NCKIPSD: variants seen among roughly 807,000 people sequenced by gnomAD.
The protein encoded by NCKIPSD is NCK-interacting protein with SH3 domain.
Under a neutral mutation model 73.4 loss-of-function variants are expected in NCKIPSD, and 48 were observed. The ratio of observed to expected loss-of-function variants is 0.65; its 90% confidence interval spans 0.52 to 0.83. The LOEUF is 0.83. Among genes scored for constraint, NCKIPSD ranks in the 40% least tolerant of loss-of-function variants. The probability of loss-of-function intolerance (pLI) is 0.00; values close to 1 mark genes in which losing one functional copy is unlikely to be tolerated. For synonymous variants in NCKIPSD, 422 were observed against 403.6 expected (o/e 1.05, Z -0.54); for missense variants, 884 against 970.2 (o/e 0.91, Z 1.18).
At chr3:48,679,484 A>T in intron 8 of NCKIPSD, 27 bp from the exon 9 acceptor site, 1 of 1,607,422 alleles carries the variant, frequency 6.2e-7, no homozygotes, top group Non-Finnish European at 8.5e-7. Flanking sequence ...AGGCAGTCAG[A>T]GTCCCCAAAG....
intron 1 of NCKIPSD, 57 bp from the exon 2 acceptor site, chr3:48,683,069 C>T (rs1274806564): frequency 6.5e-7 from 1 of 1,542,770 alleles, no homozygotes; most frequent in Non-Finnish European, 8.7e-7. Context: ...GTGCTCAGCC[C>T]AGGCCCAGCC....
At chr3:48,677,205 AT>A (rs1259656584) in intron 12 of NCKIPSD, among the ~76,000 whole-genome samples, 1 of 151,326 alleles carries the variant, frequency 6.6e-6, no homozygotes. Context: ...CCTGGCCAAC[AT>A]GGCGAAACCC....
Position 48,683,019 on chromosome 3 carries a change from G to T in NCKIPSD, c.172-7C>A, listed in dbSNP as rs960039507. ...GGACATCCTGCTCCAGGCCCTGGGGGGGGCAGGGGACAGCAGTTAGACCTG... is the reference window on the plus strand; with the variant it reads ...GGACATCCTGCTCCAGGCCCTGGGGTGGGCAGGGGACAGCAGTTAGACCTG... On this transcript the variant is annotated splice_polypyrimidine_tract_variant and splice_region_variant and intron_variant, in intron 1 of 12. Coordinates refer to ENST00000294129, the MANE Select transcript of NCKIPSD (RefSeq NM_016453.4). 3 of 1,549,534 alleles carry T rather than the reference G, an allele frequency of 1.9e-6. No homozygotes were observed. The highest frequency in any genetic ancestry group is 1.8e-4 in the Middle Eastern group (1 of 5,674).
chr3:48,679,420 G>A lies in NCKIPSD; in HGVS notation c.1527C>T (p.Ala509=), dbSNP rs1167277303. The A allele has an allele frequency of 1.4e-5, 22 of 1,613,956 alleles. No homozygotes were observed. Among genetic ancestry groups the A allele is most frequent in the Admixed American group, 1.0e-4 (6 of 59,998 alleles). The change falls in exon 9 of 13, where the codon GCC becomes GCT. Residue 509 remains alanine (A), a synonymous_variant. Coordinates refer to ENST00000294129, the MANE Select transcript of NCKIPSD (RefSeq NM_016453.4). ...CTGCCTCTCCCATGGAGAAGACCATGGCCAGGATGAGGGCAGAGTAACAGA... is the reference window on the plus strand; with the variant it reads ...CTGCCTCTCCCATGGAGAAGACCATAGCCAGGATGAGGGCAGAGTAACAGA... ...QKLCYSALIL[A]MVFSMGEAVP...
rs559950372 is a variant in NCKIPSD at position 48,674,149 on chromosome 3, T to C, written c.*395A>G. On this transcript the variant is annotated 3_prime_UTR_variant, in exon 13 of 13. Coordinates refer to ENST00000294129, the MANE Select transcript of NCKIPSD (RefSeq NM_016453.4). ...GGCAAAGAATAGAGCTGGTGGGAGA[T>C]GCCTCCCCTCACCCCAGGGGCATGG... is the stretch of plus-strand genomic sequence containing the variant. 1 of 1,146,404 alleles carries C rather than the reference T, an allele frequency of 8.7e-7. No individual in the cohort carries two copies. Among genetic ancestry groups the C allele is most frequent in the African/African-American group, 1.5e-5 (1 of 64,622 alleles). The allele number at this position is 1,146,404 out of a possible 1,614,324, so 71.0% of individuals were successfully genotyped here.
At chr3:48,681,141 A>T in intron 5 of NCKIPSD, 146 bp downstream of exon 5, 2 of 1,252,786 alleles carry the variant, frequency 1.6e-6, no homozygotes, top group Non-Finnish European at 2.2e-6. Flanking sequence ...CTGCTTCAGA[A>T]ATCAGCTCAA....
At chr3:48,681,245 G>C (rs2077347671) in intron 5 of NCKIPSD, 42 bp downstream of exon 5, 1 of 1,532,576 alleles carries the variant, frequency 6.5e-7, no homozygotes. Context: ...GGTGGGAACA[G>C]GGTGGGTAGC....
chr3:48,685,652 G>T lies in NCKIPSD; in HGVS notation c.156C>A (p.Tyr52Ter). The change falls in exon 1 of 13, where the codon TAC (tyrosine) becomes TAA (stop). Residue 52 changes from tyrosine to a stop codon, truncating the protein, a stop_gained. Coordinates refer to ENST00000294129, the MANE Select transcript of NCKIPSD (RefSeq NM_016453.4). LOFTEE classifies it high-confidence loss of function. ...GCGCACTCACCTGCAGGCGGCGCAG[G>T]TAGGCTGGCGGCACGTAGCCCGTCT... ...SGETGYVPPA[Y>*]LRRLQGLEQD... 6.6e-7 allele frequency: 1 copy of T among 1,523,424 alleles called. No individual in the cohort carries two copies. The highest frequency in any genetic ancestry group is 8.8e-7 in the Non-Finnish European group (1 of 1,141,484). The allele number at this position is 1,523,424 out of a possible 1,614,324, so 94.4% of individuals were successfully genotyped here.
In NCKIPSD at chr3:48,681,321, A is replaced by G. The variant is rs1340510067; in HGVS notation, c.1058T>C (p.Met353Thr). 1.9e-6 allele frequency: 3 copies of G among 1,609,300 alleles called. No individual in the cohort carries two copies. The highest frequency in any genetic ancestry group is 1.7e-5 in the Admixed American group (1 of 59,860). ...TACGAGTGAGAGGAGGACCTGCTCC[A>G]TGACTGGTGAGCTGGCCGGCACCGA... ...QASVPASSPV[M>T]EQVLLSLVEG... The change falls in exon 5 of 13, where the codon ATG (methionine) becomes ACG (threonine). Residue 353 changes from methionine (M) to threonine (T), a missense_variant. Met to Thr is a moderately conservative substitution (Grantham distance 81). Coordinates refer to ENST00000294129, the MANE Select transcript of NCKIPSD (RefSeq NM_016453.4).
chr3:48,682,512 C>A lies in NCKIPSD; in HGVS notation c.322G>T (p.Gly108Cys). Residue 108 changes from glycine (G) to cysteine (C), a missense_variant, in exon 3 of 13, where the codon GGC becomes TGC. By Grantham distance (159) the Gly-to-Cys change is radical (BLOSUM62 -3). Transcript: ENST00000294129. ...HHRKETLSRR[G>C]PSASSVAVMT... ...ACTGCAACACTGGAGGCTGAAGGGC[C>A]TCTGCGTGACAGGGTCTCTTTCCGG... 2 of 1,614,144 alleles carry A rather than the reference C, an allele frequency of 1.2e-6. No homozygotes were observed. Among genetic ancestry groups the A allele is most frequent in the Non-Finnish European group, 1.7e-6 (2 of 1,180,008 alleles).
rs931647516 is a variant in NCKIPSD, at chr3:48,685,902, C to T, written c.-95G>A. On this transcript the variant is annotated 5_prime_UTR_variant, in exon 1 of 13. Transcript: ENST00000294129. The stretch of plus-strand genomic sequence containing the variant: ...CGAGCCGCGCCGCGGTTGTCCCGCC[C>T]CGTGACACACTACGCAGGCGCGCGC... 13 of 1,205,944 alleles carry T rather than the reference C, an allele frequency of 1.1e-5. No individual in the cohort carries two copies. Among genetic ancestry groups the T allele is most frequent in the Admixed American group, 4.2e-5 (1 of 23,650 alleles). 74.7% of individuals were successfully genotyped at this position (1,205,944 alleles called of 1,614,324 possible).
Position 48,678,612 on chromosome 3 carries a change from G to C in NCKIPSD, c.1917C>G (p.Leu639=). 6.2e-7 allele frequency: 1 copy of C among 1,614,170 alleles called. No individual in the cohort carries two copies. The highest frequency in any genetic ancestry group is 8.5e-7 in the Non-Finnish European group (1 of 1,180,016). ...AIFYHTDMMA[L]IDITVRHIAD... ...CGATGTGCCGCACAGTGATGTCAAT[G>C]AGAGCCATCATGTCTGTGTGGTAGA... Residue 639 remains leucine (L), a synonymous_variant, in exon 12 of 13, where the codon CTC becomes CTG. Coordinates refer to ENST00000294129, the MANE Select transcript of NCKIPSD (RefSeq NM_016453.4).
chr3:48,674,488 C>T lies in NCKIPSD; in HGVS notation c.*56G>A. ...AGTGCAAAACATTCTTAGGGCCAAGCCCCTGAGTCCCCTGCACACTGACTG... is the reference window on the plus strand; with the variant it reads ...AGTGCAAAACATTCTTAGGGCCAAGTCCCTGAGTCCCCTGCACACTGACTG... On this transcript the variant is annotated 3_prime_UTR_variant, in exon 13 of 13. Coordinates refer to ENST00000294129, the MANE Select transcript of NCKIPSD (RefSeq NM_016453.4). 1 of 1,538,322 alleles carries T rather than the reference C, an allele frequency of 6.5e-7. No homozygotes were observed. Among genetic ancestry groups the T allele is most frequent in the Non-Finnish European group, 8.8e-7 (1 of 1,140,410 alleles).
rs749530087 is a variant in NCKIPSD at position 48,674,789 on chromosome 3, C to T, written c.1966-42G>A. The T allele has an allele frequency of 6.9e-6, 11 of 1,598,088 alleles. No homozygotes were observed. In the South Asian group the frequency reaches 1.2e-4, roughly 18 times the overall value. On this transcript the variant is annotated intron_variant, in intron 12 of 12. Transcript: ENST00000294129. ...CCAGCTCAGGGACCCCAGGGAGGTA[C>T]TGCAACCACCACTGGACAGGGACAG...
intron 12 of NCKIPSD, among the ~76,000 whole-genome samples, chr3:48,677,421 AAC>A (rs2077272465): frequency 1.3e-5 from 2 of 151,614 alleles, no homozygotes; most frequent in Non-Finnish European, 2.9e-5. Flanking sequence ...CCCCCAAAAA[AAC>A]ACTCTCCCTA....
At chr3:48,681,926 CA>C (rs2077360562) in intron 4 of NCKIPSD, 118 bp downstream of exon 4, 10 of 1,468,810 alleles carry the variant, frequency 6.8e-6, no homozygotes, top group Non-Finnish European at 7.3e-6. Context: ...CTAATTGCCC[CA>C]AAATGGGAGT....
In NCKIPSD at chr3:48,685,772, C is replaced by A; in HGVS notation, c.36G>T (p.Glu12Asp). 1.3e-6 allele frequency: 2 copies of A among 1,531,274 alleles called. No individual in the cohort carries two copies. Among genetic ancestry groups the A allele is most frequent in the Non-Finnish European group, 8.7e-7 (1 of 1,148,250 alleles). 94.9% of individuals were successfully genotyped at this position (1,531,274 alleles called of 1,614,324 possible). ...CCGCGGCGAACGCCAGCGCGTTGGG[C>A]TCCGCCGAGCGGAACGCGTACAGCG... Reference protein sequence around the residue: ...YRALYAFRSAEPNALAFAAGE... With the variant: ...YRALYAFRSADPNALAFAAGE... The change falls in exon 1 of 13, where the codon GAG (glutamate) becomes GAT (aspartate). Residue 12 changes from glutamate to aspartate, a missense_variant. Physicochemically the swap from Glu to Asp is conservative, Grantham distance 45. Transcript: ENST00000294129.
chr3:48,674,797 A>G lies in NCKIPSD; in HGVS notation c.1966-50T>C, dbSNP rs1336846456. On this transcript the variant is annotated intron_variant, in intron 12 of 12. Transcript: ENST00000294129. Reference sequence around the variant, plus strand: ...GGGACCCCAGGGAGGTACTGCAACCACCACTGGACAGGGACAGGACCCCAC... The same window carrying G: ...GGGACCCCAGGGAGGTACTGCAACCGCCACTGGACAGGGACAGGACCCCAC... 20 of 1,585,740 alleles carry G rather than the reference A, an allele frequency of 1.3e-5. 1 individual carries two copies. In the East Asian group the frequency reaches 3.8e-4, roughly 30 times the overall value.
In NCKIPSD at chr3:48,679,579, C is replaced by A. The variant is rs1559492671; in HGVS notation, c.1485G>T (p.Thr495=). Residue 495 remains threonine, a synonymous_variant, in exon 8 of 13, where the codon ACG becomes ACT. Coordinates refer to ENST00000294129, the MANE Select transcript of NCKIPSD (RefSeq NM_016453.4). Reference sequence around the variant, plus strand: ...TACCCCGCCCTCCAGCCTCACCCTGCGTGTCTGTCTGCATGTCCCTCGCCA... The same window carrying A: ...TACCCCGCCCTCCAGCCTCACCCTGAGTGTCTGTCTGCATGTCCCTCGCCA... ...VELARDMQTD[T]QDHQKLCYSA... is the part of the protein sequence containing the mutation. 2 of 1,614,082 alleles carry A rather than the reference C, an allele frequency of 1.2e-6. No homozygotes were observed. The highest frequency in any genetic ancestry group is 1.1e-5 in the South Asian group (1 of 91,078).
Sources: allele counts gnomAD v4.1 joint callset (sites outside exome capture counted in the v4.1 genomes callset), GRCh38; gene constraint gnomAD v4.1.1; transcripts MANE v1.5; gene names NCBI Gene and HGNC (gene_info 2026-07-23, HGNC 2026-07-21).